ARHGAP18: variants seen among roughly 807,000 people sequenced by gnomAD.
ARHGAP18 encodes the protein rho GTPase-activating protein 18.
In ARHGAP18, 67 loss-of-function variants were observed where a neutral mutation model predicts 86.2. The ratio of observed to expected loss-of-function variants is 0.78; its 90% CI spans 0.64 to 0.95. The LOEUF (loss-of-function observed/expected upper bound fraction) is 0.95. ARHGAP18 is among the 40% of genes least tolerant of loss of function. The pLI, the probability that ARHGAP18 is intolerant of heterozygous loss-of-function variation, is 0.00. For missense variants in ARHGAP18, 691 were observed against 780.4 expected (o/e 0.89, Z 1.37); for synonymous variants, 283 against 280.4 (o/e 1.01, Z -0.09).
chr6:129,640,519 G>A (rs1284901921), intron 2 of ARHGAP18, among the ~76,000 whole-genome samples: 1 of 152,068 alleles, frequency 6.6e-6, no homozygotes, highest in Non-Finnish European at 1.5e-5. Flanking sequence ...TCATATTTGG[G>A]AAACAATGAG....
At chr6:129,616,366 G>T in intron 6 of ARHGAP18, 63 bp from the exon 7 acceptor site, 1 of 1,308,638 alleles carries the variant, frequency 7.6e-7, no homozygotes, top group Non-Finnish European at 1.1e-6. Context: ...ATATAAAAAT[G>T]TTAAAGCATA....
At chr6:129,653,139 C>T (rs1773752531) in intron 1 of ARHGAP18, among the ~76,000 whole-genome samples, 2 of 152,126 alleles carry the variant, frequency 1.3e-5, no homozygotes, top group Non-Finnish European at 2.9e-5. Context: ...CATCTCATAT[C>T]TCAATGAGAG....
chr6:129,605,925 C>A lies in ARHGAP18; in HGVS notation c.1317G>T (p.Leu439Phe). 6.2e-7 allele frequency: 1 copy of A among 1,613,582 alleles called. No homozygotes were observed. The highest frequency in any genetic ancestry group is 1.1e-5 in the South Asian group (1 of 91,048). Residue 439 changes from leucine to phenylalanine, a missense_variant, in exon 10 of 15, where the codon TTG becomes TTT. Transcript: ENST00000368149. ...CAGGTAGGAGGATGACAAGAAGGTTCAAAGCCTGTAGTTGCTGCTTCTTGG... is the reference window on the plus strand; with the variant it reads ...CAGGTAGGAGGATGACAAGAAGGTTAAAAGCCTGTAGTTGCTGCTTCTTGG... ...LPTKKQQLQALNLLVILLPDA... is the reference protein window; with the variant it reads ...LPTKKQQLQAFNLLVILLPDA...
chr6:129,677,623 A>G (rs928583263), intron 1 of ARHGAP18, among the ~76,000 whole-genome samples: 1 of 152,228 alleles, frequency 6.6e-6, no homozygotes. Flanking sequence ...GTGCTATTCA[A>G]CAAACTCCAG....
At chr6:129,667,892 T>C (rs916260277) in intron 1 of ARHGAP18, among the ~76,000 whole-genome samples, 3 of 151,770 alleles carry the variant, frequency 2.0e-5, no homozygotes, top group South Asian at 2.1e-4. Context: ...AATGAAACAA[T>C]GGAAAAGCAA....
intron 5 of ARHGAP18, among the ~76,000 whole-genome samples, chr6:129,625,648 TTATA>T (rs1468902646): frequency 1.3e-5 from 1 of 79,642 alleles, no homozygotes; most frequent in African/African-American, 5.0e-5. Flanking sequence ...TATTATATAT[TTATA>T]TATTATATAT....
chr6:129,585,393 A>G (rs1428165619), intron 12 of ARHGAP18, among the ~76,000 whole-genome samples: 1 of 152,242 alleles, frequency 6.6e-6, no homozygotes, highest in Non-Finnish European at 1.5e-5. Flanking sequence ...ATATACCTTT[A>G]GAATCAGGCT....
Position 129,577,515 on chromosome 6 carries a change from T to C in ARHGAP18, c.*998A>G, listed in dbSNP as rs1788202678. On this transcript the variant is annotated 3_prime_UTR_variant, in exon 15 of 15. Transcript: ENST00000368149. ...ATTTTAATAAATTGACTCCGATTAT[T>C]TAAAATAAGAACACAAACAAAAGCT... The C allele has an allele frequency of 6.6e-6, 1 of 152,146 alleles. No homozygotes were observed. Among genetic ancestry groups the C allele is most frequent in the Admixed American group, 6.5e-5 (1 of 15,270 alleles). The allele number at this position is 152,146 out of a possible 1,614,324, so 9.4% of individuals were successfully genotyped here.
In ARHGAP18 at chr6:129,616,314, AAAAATG is replaced by A; in HGVS notation, c.953-17_953-12del. 6.2e-7 allele frequency: 1 copy of A among 1,602,110 alleles called. No individual in the cohort carries two copies. The highest frequency in any genetic ancestry group is 8.5e-7 in the Non-Finnish European group (1 of 1,174,064). On this transcript the variant is annotated splice_polypyrimidine_tract_variant and intron_variant, in intron 6 of 14. Transcript: ENST00000368149. ...AAAAAAGACCAGAATCTGCAAGAAA[AAAAATG>A]AAATTTCCTCACTTTTGTCAATCTA...
rs1165523441 is a variant in ARHGAP18, at chr6:129,583,986, A to G, written c.1838+2T>C. ...CATAATTAACACAAAACAGGCCTCT[A>G]CCTTTCTTGGCTGAGAAACCTGGCA... On this transcript the variant is annotated splice_donor_variant, in intron 13 of 14. Coordinates refer to ENST00000368149, the MANE Select transcript of ARHGAP18 (RefSeq NM_033515.3). LOFTEE classifies it high-confidence loss of function. 4 of 1,612,946 alleles carry G rather than the reference A, an allele frequency of 2.5e-6. No individual in the cohort carries two copies. In the South Asian group the frequency reaches 4.4e-5, roughly 18 times the overall value.
chr6:129,615,547 G>T (rs1789079074), intron 7 of ARHGAP18, among the ~76,000 whole-genome samples: 2 of 152,194 alleles, frequency 1.3e-5, no homozygotes, highest in Non-Finnish European at 2.9e-5. Flanking sequence ...TTCAGAAACG[G>T]TGATATGCCT....
intron 1 of ARHGAP18, among the ~76,000 whole-genome samples, chr6:129,657,091 C>A (rs1773853859): frequency 6.6e-6 from 1 of 152,304 alleles, no homozygotes; most frequent in East Asian, 1.9e-4. Flanking sequence ...TCTTACTCTG[C>A]AAATGAAAGC....
chr6:129,591,209 G>C (rs1265884643), intron 12 of ARHGAP18, among the ~76,000 whole-genome samples: 1 of 152,172 alleles, frequency 6.6e-6, no homozygotes, highest in Non-Finnish European at 1.5e-5. Context: ...CAACATGCCT[G>C]ATCGTTAAGC....
chr6:129,611,548 A>G lies in ARHGAP18; in HGVS notation c.1107T>C (p.Ala369=). 1 of 1,613,812 alleles carries G rather than the reference A, an allele frequency of 6.2e-7. No homozygotes were observed. Among genetic ancestry groups the G allele is most frequent in the Non-Finnish European group, 8.5e-7 (1 of 1,179,806 alleles). Residue 369 remains alanine, a synonymous_variant, in exon 8 of 15, where the codon GCT becomes GCC. Coordinates refer to ENST00000368149, the MANE Select transcript of ARHGAP18 (RefSeq NM_033515.3). ...ETEGLLRIPG[A]AIRIKNLCQE... ...CAGAGATTACCTTGATTCTAATGGC[A>G]GCTCCAGGGATCCGTAAGAGGCCTT...
intron 1 of ARHGAP18, among the ~76,000 whole-genome samples, chr6:129,684,427 G>C (rs1774390471): frequency 6.6e-6 from 1 of 152,202 alleles, no homozygotes; most frequent in Non-Finnish European, 1.5e-5. Flanking sequence ...CTCTAGAGTA[G>C]TATTATATTA....
chr6:129,588,643 G>A (rs561341656), intron 12 of ARHGAP18, among the ~76,000 whole-genome samples: 2 of 152,322 alleles, frequency 1.3e-5, no homozygotes, highest in South Asian at 4.1e-4. Flanking sequence ...GGGGTCTGAA[G>A]GACAATGGCC....
intron 8 of ARHGAP18, 74 bp downstream of exon 8, chr6:129,611,459 G>A (rs1470060991): frequency 2.2e-5 from 28 of 1,296,228 alleles, no homozygotes; most frequent in Middle Eastern, 3.7e-4. Flanking sequence ...GGGTAGAGAG[G>A]ACAAGTTAGC....
In ARHGAP18 at chr6:129,615,997, G is replaced by A. The variant is rs182371468; in HGVS notation, c.1044+215C>T. On this transcript the variant is annotated intron_variant, in intron 7 of 14. Transcript: ENST00000368149. ...AGCTAATATAAGACAGGAAAATGAC[G>A]CCAGGTAATCACAGTTACAGTAATA... 7.2e-5 allele frequency among the ~76,000 whole-genome samples: 11 copies of A among 152,164 alleles called. No homozygotes were observed. In the South Asian group the frequency reaches 1.0e-3, roughly 14 times the overall value.
intron 1 of ARHGAP18, among the ~76,000 whole-genome samples, chr6:129,690,906 A>G (rs374602105): frequency 2.0e-5 from 3 of 152,190 alleles, no homozygotes; most frequent in African/African-American, 7.2e-5. Flanking sequence ...ATTCATTTCA[A>G]TGCTATCATT....
Sources: allele counts gnomAD v4.1 joint callset (sites outside exome capture counted in the v4.1 genomes callset), GRCh38; gene constraint gnomAD v4.1.1; transcripts MANE v1.5; gene names NCBI Gene and HGNC (gene_info 2026-07-23, HGNC 2026-07-21).